The following TRMT11 variants were observed in gnomAD, a reference collection of about 807,000 sequenced individuals.
The protein encoded by TRMT11 is tRNA (guanine(10)-N(2))-methyltransferase TRMT11.
In TRMT11, 53 loss-of-function variants were observed where a neutral mutation model predicts 62.8. The observed-to-expected ratio is 0.84, with a 90% CI of 0.68 to 1.06. TRMT11 has a LOEUF of 1.06. Ranked by LOEUF, TRMT11 falls within the 50% of genes least tolerant of loss-of-function variation. The probability of loss-of-function intolerance (pLI) is 0.00; values close to 1 mark genes in which losing one functional copy is unlikely to be tolerated. For synonymous variants in TRMT11, 188 were observed against 190.3 expected (o/e 0.99, Z 0.10); for missense variants, 556 against 553.4 (o/e 1.00, Z -0.05).
chr6:126,110,412 T>G (rs769461972), intron 17 of TRMT11, among the ~76,000 whole-genome samples: 1 of 152,148 alleles, frequency 6.6e-6, no homozygotes, highest in African/African-American at 2.4e-5. Flanking sequence ...GTGAAATATG[T>G]ATTCAAAAAG....
At chr6:126,033,426 C>T (rs924842478) in intron 12 of TRMT11, among the ~76,000 whole-genome samples, 1 of 151,934 alleles carries the variant, frequency 6.6e-6, no homozygotes, top group African/African-American at 2.4e-5. Flanking sequence ...CTTTTTAATG[C>T]TGTATTTTTG....
chr6:126,239,909 T>C, the TRMT11 span, among the ~76,000 whole-genome samples: 2 of 152,176 alleles, frequency 1.3e-5, no homozygotes, highest in Non-Finnish European at 2.9e-5. Context: ...GTTCATTTCT[T>C]TTTATGCTTT....
chr6:126,183,653 A>G (rs72977827), intron 1 of TRMT11, among the ~76,000 whole-genome samples: 3,483 of 152,064 alleles, frequency 0.023, 58 homozygotes, highest in Middle Eastern at 0.051. Flanking sequence ...TTGAAATGAG[A>G]TCCTGTGATC....
intron 21 of TRMT11, among the ~76,000 whole-genome samples, chr6:126,151,830 C>CTTTCTTTCTTTCTTTCTTTG (rs1562334739): frequency 1.8e-4 from 20 of 112,414 alleles, no homozygotes; most frequent in African/African-American, 7.5e-4. Context: ...TTCTTTCTTT[C>CTTTCTTTCTTTCTTTCTTTG]TTTCTTTCTT....
chr6:126,163,601 T>G (rs956555367), intron 21 of TRMT11, among the ~76,000 whole-genome samples: 1 of 152,206 alleles, frequency 6.6e-6, no homozygotes, highest in African/African-American at 2.4e-5. Context: ...TCTTTTCTAT[T>G]GTTTGGAATA....
intron 21 of TRMT11, among the ~76,000 whole-genome samples, chr6:126,134,647 A>T (rs1167970298): frequency 4.6e-5 from 7 of 151,916 alleles, no homozygotes; most frequent in African/African-American, 1.7e-4. Context: ...AATGGACTTA[A>T]CATACCTTTA....
intron 1 of TRMT11, among the ~76,000 whole-genome samples, chr6:126,190,142 G>T (rs1466618301): frequency 1.3e-5 from 2 of 152,046 alleles, no homozygotes; most frequent in Non-Finnish European, 2.9e-5. Flanking sequence ...TCAAATACTA[G>T]AATTTGTTTT....
intron 2 of TRMT11, among the ~76,000 whole-genome samples, 195 bp downstream of exon 2, chr6:125,994,017 AT>A (rs1791047102): frequency 6.6e-6 from 1 of 152,106 alleles, no homozygotes; most frequent in Non-Finnish European, 1.5e-5. Context: ...CTAGTATTTT[AT>A]TTGTTTTACA....
At chr6:126,195,354 A>G (rs1778653729) in intron 1 of TRMT11, among the ~76,000 whole-genome samples, 2 of 152,240 alleles carry the variant, frequency 1.3e-5, no homozygotes, top group African/African-American at 2.4e-5. Flanking sequence ...ATGTTCACAC[A>G]TAAATTGCTG....
At chr6:126,231,141 T>C in the TRMT11 span, among the ~76,000 whole-genome samples, 1 of 152,224 alleles carries the variant, frequency 6.6e-6, no homozygotes, top group Non-Finnish European at 1.5e-5. Flanking sequence ...TTTTAATCTG[T>C]TGGGTTATTT....
At chr6:126,266,541 T>G in the TRMT11 span, among the ~76,000 whole-genome samples, 1 of 152,182 alleles carries the variant, frequency 6.6e-6, no homozygotes, top group Non-Finnish European at 1.5e-5. Flanking sequence ...GTTCTTCTTT[T>G]AGGTGTTAAT....
intron 21 of TRMT11, among the ~76,000 whole-genome samples, chr6:126,117,128 C>T (rs977411337): frequency 1.3e-5 from 2 of 152,136 alleles, no homozygotes; most frequent in African/African-American, 4.8e-5. Context: ...TGTACATTTG[C>T]TTTTTGTATC....
At chr6:126,189,508 T>C (rs1006195556) in intron 1 of TRMT11, among the ~76,000 whole-genome samples, 4 of 152,150 alleles carry the variant, frequency 2.6e-5, no homozygotes, top group African/African-American at 7.2e-5. Context: ...CTCTTTTATG[T>C]TTCCCAATAA....
rs1323516312 is a variant in TRMT11 at position 126,069,451 on chromosome 6, C to G, written c.*1437+16261C>G. Among the ~76,000 whole-genome samples, 3 of 152,150 alleles carry G rather than the reference C, an allele frequency of 2.0e-5. No individual in the cohort carries two copies. The South Asian group carries it at 6.2e-4, about 32-fold the overall frequency. ...GTGTCTCTGGTTTCTATCTCGTTTT[C>G]TTTTCTTTTTTTTCTTTCTTTTTCT... On this transcript the variant is annotated intron_variant and NMD_transcript_variant, in intron 17 of 22. Coordinates refer to the TRMT11 transcript ENST00000648977.
At chr6:126,250,910 T>C in the TRMT11 span, among the ~76,000 whole-genome samples, 2 of 152,236 alleles carry the variant, frequency 1.3e-5, no homozygotes, top group East Asian at 1.9e-4. Flanking sequence ...CCAGAAATTA[T>C]TGAATGAAAG....
At chr6:126,069,269 G>A (rs1776778564) in intron 17 of TRMT11, among the ~76,000 whole-genome samples, 1 of 152,150 alleles carries the variant, frequency 6.6e-6, no homozygotes, top group Admixed American at 6.6e-5. Flanking sequence ...TTGTGATCAG[G>A]GAAAGGAAAT....
the TRMT11 span, among the ~76,000 whole-genome samples, chr6:126,225,545 C>T: frequency 2.6e-5 from 4 of 151,934 alleles, no homozygotes; most frequent in South Asian, 6.2e-4. Context: ...ATGCTCTTCC[C>T]GGCTGCATCT....
At chr6:126,229,303 G>A in the TRMT11 span, among the ~76,000 whole-genome samples, 1 of 152,196 alleles carries the variant, frequency 6.6e-6, no homozygotes, top group Non-Finnish European at 1.5e-5. Flanking sequence ...CTAGATGCCA[G>A]GGGGAAACAT....
Position 126,076,891 on chromosome 6 carries a change from G to A in TRMT11, c.*1437+23701G>A, listed in dbSNP as rs185996395. Among the ~76,000 whole-genome samples, 15 of 152,226 alleles carry A rather than the reference G, an allele frequency of 9.9e-5. No homozygotes were observed. In the East Asian group the frequency reaches 2.5e-3, roughly 26 times the overall value. Reference sequence around the variant, plus strand: ...GAGGAATCAAATAGAAAAAAAGCTTGTAGAATATTAAGGGAGAGACTCCCC... The same window carrying A: ...GAGGAATCAAATAGAAAAAAAGCTTATAGAATATTAAGGGAGAGACTCCCC... On this transcript the variant is annotated intron_variant and NMD_transcript_variant, in intron 17 of 22. Coordinates refer to the TRMT11 transcript ENST00000648977.
Sources: allele counts gnomAD v4.1 joint callset (sites outside exome capture counted in the v4.1 genomes callset), GRCh38; gene constraint gnomAD v4.1.1; transcripts MANE v1.5; gene names NCBI Gene and HGNC (gene_info 2026-07-23, HGNC 2026-07-21).